LMBR1: variants seen among roughly 807,000 people sequenced by gnomAD.
The protein encoded by LMBR1 is limb development membrane protein 1, also known as limb region 1 protein homolog.
In LMBR1, 52 loss-of-function variants were observed where a neutral mutation model predicts 73.9. The observed-to-expected ratio is 0.70, with a 90% confidence interval of 0.56 to 0.89. LMBR1 has a LOEUF of 0.89. Ranked by LOEUF, LMBR1 falls within the 40% of genes least tolerant of loss-of-function variation. The pLI, the probability that LMBR1 is intolerant of heterozygous loss-of-function variation, is 0.00. For missense variants in LMBR1, 539 were observed against 579.8 expected (o/e 0.93, Z 0.72); for synonymous variants, 215 against 209.4 (o/e 1.03, Z -0.23).
chr7:156,859,967 G>T lies in LMBR1; in HGVS notation c.67-23082C>A, dbSNP rs955676073. Among the ~76,000 whole-genome samples the T allele has an allele frequency of 1.3e-5, 2 of 152,164 alleles. 1 individual carries two copies. The highest frequency in any genetic ancestry group is 1.3e-4 in the Admixed American group (2 of 15,266). Reference sequence around the variant, plus strand: ...AAAAAGATCAATGGAACAGAATAGAGAGTTGATAAATAAACCCACACAATA... The same window carrying T: ...AAAAAGATCAATGGAACAGAATAGATAGTTGATAAATAAACCCACACAATA... On this transcript the variant is annotated intron_variant, in intron 1 of 16. Transcript: ENST00000353442.
chr7:156,695,844 A>G (rs1293780061), intron 15 of LMBR1, among the ~76,000 whole-genome samples: 2 of 151,542 alleles, frequency 1.3e-5, no homozygotes, highest in African/African-American at 4.9e-5. Context: ...GTACTGATGT[A>G]AAGAAAAAAA....
chr7:156,770,563 ACT>A (rs1312461442), intron 5 of LMBR1, among the ~76,000 whole-genome samples: 17 of 152,188 alleles, frequency 1.1e-4, no homozygotes, highest in Admixed American at 1.1e-3. Context: ...AAAATGAAGC[ACT>A]CAACTCAAGA....
chr7:156,821,042 T>C (rs1834712357), intron 4 of LMBR1, among the ~76,000 whole-genome samples: 1 of 152,128 alleles, frequency 6.6e-6, no homozygotes, highest in South Asian at 2.1e-4. Flanking sequence ...GGGGCTTTAG[T>C]AGGGATTGAA....
intron 1 of LMBR1, among the ~76,000 whole-genome samples, chr7:156,865,132 C>G (rs188437694): frequency 6.6e-6 from 1 of 151,614 alleles, no homozygotes; most frequent in Non-Finnish European, 1.5e-5. Context: ...CATAGAGAGA[C>G]GCCAGCTCTA....
chr7:156,812,375 A>G (rs1412688595), intron 4 of LMBR1, among the ~76,000 whole-genome samples: 2 of 152,158 alleles, frequency 1.3e-5, no homozygotes, highest in East Asian at 1.9e-4. Context: ...ACAAGAGCGC[A>G]GAGGACTTTC....
intron 5 of LMBR1, among the ~76,000 whole-genome samples, chr7:156,783,998 G>GC (rs938393928): frequency 7.4e-6 from 1 of 135,962 alleles, no homozygotes; most frequent in Admixed American, 7.3e-5. Flanking sequence ...GTTTTTTTCT[G>GC]TTTTTTTTTT....
At chr7:156,803,486 A>T (rs1364565784) in intron 4 of LMBR1, among the ~76,000 whole-genome samples, 13 of 152,166 alleles carry the variant, frequency 8.5e-5, no homozygotes, top group Admixed American at 2.6e-4. Context: ...GGCGATCATT[A>T]AAAAGTCAGG....
At chr7:156,892,624 G>T (rs923185976) in intron 1 of LMBR1, 3 of 276,326 alleles carry the variant, frequency 1.1e-5, no homozygotes, top group African/African-American at 4.5e-5. Flanking sequence ...GGGCAGCACC[G>T]AGGCCGCGGG....
At chr7:156,788,159 G>C (rs1333666192) in intron 5 of LMBR1, among the ~76,000 whole-genome samples, 1 of 152,158 alleles carries the variant, frequency 6.6e-6, no homozygotes, top group East Asian at 1.9e-4. Flanking sequence ...ATAAGGCCGG[G>C]TACAGTAGCT....
intron 1 of LMBR1, among the ~76,000 whole-genome samples, chr7:156,847,018 A>T (rs1586198742): frequency 2.0e-5 from 3 of 152,202 alleles, no homozygotes; most frequent in Admixed American, 2.0e-4. Flanking sequence ...GACACTACCC[A>T]GTTTCAAAAC....
chr7:156,816,187 T>A (rs981721315), intron 4 of LMBR1, among the ~76,000 whole-genome samples: 1 of 151,992 alleles, frequency 6.6e-6, no homozygotes, highest in Non-Finnish European at 1.5e-5. Flanking sequence ...AAAAAAATAT[T>A]TTTTTTTCTT....
intron 5 of LMBR1, among the ~76,000 whole-genome samples, chr7:156,777,179 C>T (rs1267391012): frequency 6.6e-6 from 1 of 152,178 alleles, no homozygotes; most frequent in South Asian, 2.1e-4. Context: ...TCATGATCTG[C>T]CCACCTCAGC....
intron 4 of LMBR1, among the ~76,000 whole-genome samples, chr7:156,805,744 A>T (rs964857205): frequency 6.6e-6 from 1 of 152,168 alleles, no homozygotes; most frequent in Non-Finnish European, 1.5e-5. Flanking sequence ...TATTGCTGTT[A>T]CAGACTGAAT....
At chr7:156,695,298 G>A (rs1417530252) in intron 15 of LMBR1, among the ~76,000 whole-genome samples, 1 of 152,200 alleles carries the variant, frequency 6.6e-6, no homozygotes, top group African/African-American at 2.4e-5. Flanking sequence ...GACAGAACAA[G>A]ACTTTGTCTC....
At chr7:156,811,393 C>A (rs1046921744) in intron 4 of LMBR1, among the ~76,000 whole-genome samples, 1 of 151,796 alleles carries the variant, frequency 6.6e-6, no homozygotes, top group South Asian at 2.1e-4. Flanking sequence ...AGGTGGATCA[C>A]GAGGTCAAGA....
intron 2 of LMBR1, among the ~76,000 whole-genome samples, chr7:156,836,242 C>CA (rs1281867973): frequency 7.2e-5 from 11 of 151,882 alleles, no homozygotes; most frequent in Admixed American, 6.6e-5. Flanking sequence ...TGAGATTTAA[C>CA]AAAAAATAGT....
At chr7:156,850,602 G>C (rs546921705) in intron 1 of LMBR1, among the ~76,000 whole-genome samples, 1 of 152,122 alleles carries the variant, frequency 6.6e-6, no homozygotes, top group East Asian at 1.9e-4. Flanking sequence ...CATCCATGCT[G>C]TAGCATGTAA....
In LMBR1 at chr7:156,678,724, G is replaced by C. The variant is rs1804499180; in HGVS notation, c.*5354C>G. On this transcript the variant is annotated 3_prime_UTR_variant, in exon 17 of 17. Coordinates refer to ENST00000353442, the MANE Select transcript of LMBR1 (RefSeq NM_022458.4). The stretch of plus-strand genomic sequence containing the variant: ...GCTACAGCAGTCCCTACGGGATGTG[G>C]CCATTCCTCCCTTATTTTAACAGGT... 6.6e-6 allele frequency: 1 copy of C among 152,128 alleles called. No individual in the cohort carries two copies. The highest frequency in any genetic ancestry group is 6.5e-5 in the Admixed American group (1 of 15,276). The allele number at this position is 152,128 out of a possible 1,614,324, so 9.4% of individuals were successfully genotyped here. A position where few individuals can be genotyped will look rare whatever the true frequency, so the allele number is the denominator to read the frequency against.
chr7:156,695,561 T>A (rs1190063305), intron 15 of LMBR1, among the ~76,000 whole-genome samples: 1 of 151,950 alleles, frequency 6.6e-6, no homozygotes, highest in Non-Finnish European at 1.5e-5. Flanking sequence ...ACCCGACACT[T>A]TTAGACAACC....
Sources: gnomAD v4.1 joint callset for allele counts (sites outside exome capture counted in the v4.1 genomes callset) on GRCh38, gnomAD v4.1.1 for gene constraint, MANE v1.5 for transcripts, NCBI Gene and HGNC (gene_info 2026-07-23, HGNC 2026-07-21) for gene names.